LCOR: variants seen among roughly 807,000 people sequenced by gnomAD.
LCOR encodes ligand-dependent corepressor.
LCOR carries 14 observed loss-of-function variants against 64.4 expected under a neutral mutation model. The observed-to-expected ratio is 0.22, with a 90% confidence interval of 0.14 to 0.34. The LOEUF (loss-of-function observed/expected upper bound fraction) is 0.34, where lower values mean the gene tolerates loss of function less well. LCOR is among the 10% of genes least tolerant of loss of function. The pLI is 1.00. For synonymous variants in LCOR, 643 were observed against 642.5 expected (o/e 1.00, Z -0.01); for missense variants, 1,686 against 1,765.3 (o/e 0.96, Z 0.80).
At chr10:96,854,607 T>C (rs1234986341) in intron 2 of LCOR, among the ~76,000 whole-genome samples, 1 of 152,102 alleles carries the variant, frequency 6.6e-6, no homozygotes, top group Non-Finnish European at 1.5e-5. Flanking sequence ...GATTACAGGC[T>C]TGAGCCACCG....
In LCOR at chr10:96,920,423, C is replaced by T. The variant is rs373434236; in HGVS notation, c.-184+12676C>T. 5.6e-5 allele frequency among the ~76,000 whole-genome samples: 5 copies of T among 88,976 alleles called. No homozygotes were observed. The Admixed American group carries it at 6.3e-4, about 11-fold the overall frequency. 58.4% of individuals were successfully genotyped at this position (88,976 alleles called of 152,430 possible). On this transcript the variant is annotated intron_variant, in intron 4 of 7. Transcript: ENST00000421806. The stretch of plus-strand genomic sequence containing the variant: ...ATATGTGTATATATGTATATATATT[C>T]ATATATATGTGTATATATGTGTATA...
At chr10:96,967,655 T>G (rs1377842454) in intron 7 of LCOR, among the ~76,000 whole-genome samples, 1 of 152,182 alleles carries the variant, frequency 6.6e-6, no homozygotes, top group Non-Finnish European at 1.5e-5. Context: ...AGAAACTCTT[T>G]ATTGAATAAG....
intron 4 of LCOR, among the ~76,000 whole-genome samples, chr10:96,909,509 T>C (rs889926256): frequency 5.9e-5 from 9 of 152,240 alleles, no homozygotes; most frequent in African/African-American, 2.2e-4. Flanking sequence ...CTTTTTCATA[T>C]TTGAATCTTT....
intron 2 of LCOR, among the ~76,000 whole-genome samples, chr10:96,896,793 T>C (rs907414787): frequency 1.4e-4 from 22 of 152,070 alleles, no homozygotes; most frequent in African/African-American, 5.3e-4. Context: ...AATCTCCTAA[T>C]AGTATAAAGC....
In LCOR at chr10:96,981,395, A is replaced by G; in HGVS notation, c.935A>G (p.Gln312Arg). 1 of 1,614,208 alleles carries G rather than the reference A, an allele frequency of 6.2e-7. No homozygotes were observed. Among genetic ancestry groups the G allele is most frequent in the Non-Finnish European group, 8.5e-7 (1 of 1,180,040 alleles). The change falls in exon 8 of 8, where the codon CAG becomes CGG. Residue 312 changes from glutamine to arginine, a missense_variant. Coordinates refer to ENST00000421806, the MANE Select transcript of LCOR (RefSeq NM_001346516.2). ...NICEDGKDHM[Q>R]SSALVESLIT... ...TGTGAGGATGGTAAAGACCATATGC[A>G]GAGTTCAGCTTTAGTAGAAAGTCTA...
chr10:96,980,243 T>C (rs1848072723), intron 7 of LCOR, among the ~76,000 whole-genome samples: 1 of 152,192 alleles, frequency 6.6e-6, no homozygotes, highest in Admixed American at 6.5e-5. Flanking sequence ...CTTGTCAGTG[T>C]TGTGGACTTA....
chr10:96,878,457 AAGAAGAG>A (rs1846207509), intron 2 of LCOR, among the ~76,000 whole-genome samples: 1 of 152,064 alleles, frequency 6.6e-6, no homozygotes, highest in Non-Finnish European at 1.5e-5. Flanking sequence ...TGTGGAAAGT[AAGAAGAG>A]AGAAAAGGAG....
At chr10:96,939,819 C>T (rs551444664) in intron 4 of LCOR, among the ~76,000 whole-genome samples, 2 of 152,240 alleles carry the variant, frequency 1.3e-5, no homozygotes, top group South Asian at 2.1e-4. Context: ...AAAAATCAGC[C>T]GGGCCTGATG....
At position 96,982,394 on chromosome 10, in the gene LCOR, C is replaced by G; in HGVS notation, c.1934C>G (p.Ser645Cys). The G allele has an allele frequency of 6.2e-7, 1 of 1,614,226 alleles. No homozygotes were observed. Among genetic ancestry groups the G allele is most frequent in the Non-Finnish European group, 8.5e-7 (1 of 1,180,032 alleles). Reference protein sequence around the residue: ...TVSAPTASGMSSPEHNQPPVA... With the variant: ...TVSAPTASGMCSPEHNQPPVA... Reference sequence around the variant, plus strand: ...TCAGCTCCCACAGCAAGTGGGATGTCTTCTCCTGAACACAACCAACCACCA... The same window carrying G: ...TCAGCTCCCACAGCAAGTGGGATGTGTTCTCCTGAACACAACCAACCACCA... Residue 645 changes from serine (S) to cysteine (C), a missense_variant, in exon 8 of 8, where the codon TCT becomes TGT. Ser to Cys is a moderately radical substitution (Grantham distance 112, BLOSUM62 -1). This residue lies in a region of LCOR where 1,293 missense variants were observed against 1,410.4 expected (regional missense o/e 0.92). Coordinates refer to ENST00000421806, the MANE Select transcript of LCOR (RefSeq NM_001346516.2).
intron 6 of LCOR, 65 bp downstream of exon 6, chr10:96,949,360 A>C: frequency 1.4e-6 from 2 of 1,415,622 alleles, no homozygotes; most frequent in Non-Finnish European, 2.0e-6. Context: ...AGAAAAAAAA[A>C]AGCATTGGCA....
At chr10:96,834,535 G>C (rs1343277718) in intron 2 of LCOR, among the ~76,000 whole-genome samples, 1 of 152,280 alleles carries the variant, frequency 6.6e-6, no homozygotes, top group South Asian at 2.1e-4. Flanking sequence ...TCATAGAAGA[G>C]AGCATATAGC....
intron 2 of LCOR, among the ~76,000 whole-genome samples, chr10:96,845,179 A>C (rs1462724148): frequency 2.6e-5 from 4 of 152,216 alleles, no homozygotes; most frequent in Non-Finnish European, 5.9e-5. Context: ...CATTGGTCTT[A>C]GACAAAATGA....
intron 4 of LCOR, among the ~76,000 whole-genome samples, chr10:96,939,298 CA>C (rs1462585355): frequency 2.0e-5 from 3 of 152,122 alleles, no homozygotes; most frequent in African/African-American, 7.2e-5. Flanking sequence ...ACTGAGTATC[CA>C]CATGGAAGAG....
chr10:96,858,796 T>C (rs1433327866), intron 2 of LCOR, among the ~76,000 whole-genome samples: 1 of 152,222 alleles, frequency 6.6e-6, no homozygotes, highest in Non-Finnish European at 1.5e-5. Context: ...TCCGTACTTT[T>C]AACAAGCATG....
In LCOR at chr10:96,904,822, C is replaced by T. The variant is rs140643085; in HGVS notation, c.-329-2443C>T. On this transcript the variant is annotated intron_variant, in intron 2 of 7. Coordinates refer to ENST00000421806, the MANE Select transcript of LCOR (RefSeq NM_001346516.2). Reference sequence around the variant, plus strand: ...CCTTTCATTAATGTCAAGCATAGCACGTCAGACATTCCCTGTTGCTATGCA... The same window carrying T: ...CCTTTCATTAATGTCAAGCATAGCATGTCAGACATTCCCTGTTGCTATGCA... Among the ~76,000 whole-genome samples, 1,368 of 152,144 alleles carry T rather than the reference C, an allele frequency of 9.0e-3. 26 individuals carry two copies. Among genetic ancestry groups the T allele is most frequent in the African/African-American group, 0.031 (1,292 of 41,500 alleles).
At chr10:96,893,182 A>G (rs1846475105) in intron 2 of LCOR, among the ~76,000 whole-genome samples, 2 of 152,200 alleles carry the variant, frequency 1.3e-5, no homozygotes, top group Admixed American at 1.3e-4. Context: ...AGTATATAAA[A>G]TACTTTGCTG....
chr10:96,972,117 T>C (rs1848004616), intron 7 of LCOR, among the ~76,000 whole-genome samples: 1 of 152,114 alleles, frequency 6.6e-6, no homozygotes, highest in African/African-American at 2.4e-5. Flanking sequence ...AATACCTTGC[T>C]TATCCTCACA....
At position 96,914,712 on chromosome 10, in the gene LCOR, A is replaced by C. The variant is rs572827124; in HGVS notation, c.-184+6965A>C. The stretch of plus-strand genomic sequence containing the variant: ...ATAAAACCGAATGAAGTCTTTATCT[A>C]ATGCTCTGAATGGGTAAAGTTTAGA... On this transcript the variant is annotated intron_variant, in intron 4 of 7. Coordinates refer to ENST00000421806, the MANE Select transcript of LCOR (RefSeq NM_001346516.2). Among the ~76,000 whole-genome samples, 24 of 152,364 alleles carry C rather than the reference A, an allele frequency of 1.6e-4. No homozygotes were observed. In the East Asian group the frequency reaches 4.2e-3, roughly 27 times the overall value.
intron 2 of LCOR, among the ~76,000 whole-genome samples, chr10:96,840,047 T>A (rs1460407439): frequency 6.6e-6 from 1 of 152,234 alleles, no homozygotes; most frequent in Non-Finnish European, 1.5e-5. Flanking sequence ...ATTTCGTTGA[T>A]TCTTGGTTTC....
Sources: gnomAD v4.1 joint callset for allele counts (sites outside exome capture counted in the v4.1 genomes callset) on GRCh38, gnomAD v4.1.1 for gene constraint, gnomAD v4.1.1 regional missense constraint, MANE v1.5 for transcripts, NCBI Gene and HGNC (gene_info 2026-07-23, HGNC 2026-07-21) for gene names.